The following MYOM1 variants were observed in gnomAD, a reference collection of about 807,000 sequenced individuals.
The protein encoded by MYOM1 is myomesin-1.
A neutral mutation model predicts 205.3 loss-of-function variants in MYOM1; 164 were observed. The ratio of observed to expected loss-of-function variants is 0.80; its 90% CI spans 0.70 to 0.91. The LOEUF (loss-of-function observed/expected upper bound fraction) is 0.91. MYOM1 is among the 40% of genes least tolerant of loss of function. MYOM1 has a pLI of 0.00. For synonymous variants in MYOM1, 772 were observed against 789.4 expected (o/e 0.98, Z 0.37); for missense variants, 2,011 against 2,127.3 (o/e 0.95, Z 1.08).
chr18:3,182,146 C>T (rs1377738483), intron 5 of MYOM1, among the ~76,000 whole-genome samples: 1 of 152,156 alleles, frequency 6.6e-6, no homozygotes, highest in Admixed American at 6.6e-5. Context: ...GACAGGTACA[C>T]ACTGATACCA....
At chr18:3,146,449 A>T (rs2080124172) in intron 13 of MYOM1, among the ~76,000 whole-genome samples, 1 of 152,130 alleles carries the variant, frequency 6.6e-6, no homozygotes, top group Non-Finnish European at 1.5e-5. Context: ...TGCGTTATTT[A>T]TTTTATTTCG....
At chr18:3,157,635 C>A (rs1410219529) in intron 10 of MYOM1, among the ~76,000 whole-genome samples, 1 of 151,060 alleles carries the variant, frequency 6.6e-6, no homozygotes, top group African/African-American at 2.4e-5. Context: ...TATGATTGCA[C>A]CACTACACTC....
At chr18:3,148,719 G>T (rs942746374) in intron 13 of MYOM1, among the ~76,000 whole-genome samples, 2 of 150,950 alleles carry the variant, frequency 1.3e-5, no homozygotes, top group African/African-American at 2.4e-5. Flanking sequence ...AGTGGCGGGC[G>T]CCTGTAGTCC....
intron 21 of MYOM1, among the ~76,000 whole-genome samples, chr18:3,112,682 C>T (rs991569428): frequency 6.6e-6 from 1 of 152,178 alleles, no homozygotes; most frequent in Non-Finnish European, 1.5e-5. Context: ...AATTTAGTGG[C>T]CACCAACATC....
intron 10 of MYOM1, among the ~76,000 whole-genome samples, chr18:3,160,262 A>T (rs1406625001): frequency 6.6e-6 from 1 of 151,040 alleles, no homozygotes; most frequent in East Asian, 1.9e-4. Flanking sequence ...ATCACCAGTC[A>T]TTGCAGCCTC....
intron 2 of MYOM1, among the ~76,000 whole-genome samples, chr18:3,207,131 AGTTAGT>A (rs1480330995): frequency 6.6e-6 from 1 of 152,110 alleles, no homozygotes; most frequent in Admixed American, 6.5e-5. Flanking sequence ...AACTTTACAC[AGTTAGT>A]GTATAGCCAT....
At position 3,135,634 on chromosome 18, in the gene MYOM1, A is replaced by T; in HGVS notation, c.2122T>A (p.Tyr708Asn). 6.2e-7 allele frequency: 1 copy of T among 1,613,952 alleles called. No homozygotes were observed. Among genetic ancestry groups the T allele is most frequent in the Non-Finnish European group, 8.5e-7 (1 of 1,179,882 alleles). Reference sequence around the variant, plus strand: ...TTAGAACAGCGGACACGGAAACAGTAGGATTTCCCCTCGGCCAAGTCAAAC... The same window carrying T: ...TTAGAACAGCGGACACGGAAACAGTTGGATTTCCCCTCGGCCAAGTCAAAC... Reference protein sequence around the residue: ...ALFDLAEGKSYCFRVRCSNSA... With the variant: ...ALFDLAEGKSNCFRVRCSNSA... The change falls in exon 15 of 38, where the codon TAC becomes AAC. Residue 708 changes from tyrosine (Y) to asparagine (N), a missense_variant. Tyr to Asn is a moderately radical substitution (Grantham distance 143). Coordinates refer to ENST00000356443, the MANE Select transcript of MYOM1 (RefSeq NM_003803.4). The surrounding 1 kb of genome is among the most constrained non-coding windows in gnomAD (Gnocchi z 4.1).
At chr18:3,133,293 A>G (rs7506643) in intron 16 of MYOM1, among the ~76,000 whole-genome samples, 82,903 of 151,960 alleles carry the variant, frequency 0.55, 23,202 homozygotes, top group East Asian at 0.91. Flanking sequence ...GGGTCCTCGG[A>G]CTGAGAAGTG....
chr18:3,229,418 G>T, the MYOM1 span, among the ~76,000 whole-genome samples: 6 of 150,990 alleles, frequency 4.0e-5, no homozygotes, highest in Non-Finnish European at 8.8e-5. Flanking sequence ...GTCTCTTTCA[G>T]TTCGAAAAGG....
At chr18:3,222,723 ACATACACACACAAACAGG>A (rs2081337067), upstream of MYOM1, among the ~76,000 whole-genome samples, 1 of 150,954 alleles carries the variant, frequency 6.6e-6, no homozygotes, top group South Asian at 2.1e-4. Flanking sequence ...GCACATACAC[ACATACACACACAAACAGG>A]CATACACACA....
intron 20 of MYOM1, among the ~76,000 whole-genome samples, chr18:3,118,464 C>A (rs1419824932): frequency 6.6e-6 from 1 of 152,028 alleles, no homozygotes; most frequent in African/African-American, 2.4e-5. Flanking sequence ...TCCTGAGTAG[C>A]TGGGACTACA....
Position 3,126,806 on chromosome 18 carries a change from C to A in MYOM1, c.2886G>T (p.Gly962=). Residue 962 remains glycine, a synonymous_variant, in exon 19 of 38, where the codon GGG becomes GGT. Transcript: ENST00000356443. ...TCACATAATAGCCAGTAATTTCTGC[C>A]CCTCCAATCTTATCTGGTTGCTTCC... ...LGWKQPDKIG[G]AEITGYYVNY... is the part of the protein sequence containing the mutation. 6.2e-7 allele frequency: 1 copy of A among 1,613,836 alleles called. No individual in the cohort carries two copies. Among genetic ancestry groups the A allele is most frequent in the Middle Eastern group, 1.6e-4 (1 of 6,062 alleles).
chr18:3,136,189 C>T (rs1178602462), intron 14 of MYOM1, among the ~76,000 whole-genome samples: 1 of 152,108 alleles, frequency 6.6e-6, no homozygotes, highest in Non-Finnish European at 1.5e-5. Context: ...GCCTCCCCAG[C>T]CACATGGAAC....
chr18:3,081,681 C>T (rs1196335861), intron 33 of MYOM1, among the ~76,000 whole-genome samples: 2 of 152,132 alleles, frequency 1.3e-5, no homozygotes, highest in Admixed American at 6.5e-5. Context: ...GAGGAATTTC[C>T]TGGAATTTGA....
rs2079953632 is a variant in MYOM1, at chr18:3,135,971, G to A, written c.2026-241C>T. Among the ~76,000 whole-genome samples, 1 of 152,266 alleles carries A rather than the reference G, an allele frequency of 6.6e-6. No individual in the cohort carries two copies. The highest frequency in any genetic ancestry group is 2.4e-5 in the African/African-American group (1 of 41,548). Reference sequence around the variant, plus strand: ...TGCCCAAATCTCATCTACAATTGTAGCTCCCATAATTCCCATGTGTGTGGG... The same window carrying A: ...TGCCCAAATCTCATCTACAATTGTAACTCCCATAATTCCCATGTGTGTGGG... On this transcript the variant is annotated intron_variant, in intron 14 of 37. Coordinates refer to ENST00000356443, the MANE Select transcript of MYOM1 (RefSeq NM_003803.4). This position sits in a 1 kb window ranked among gnomAD's most constrained non-coding sequence, Gnocchi z 4.1.
Position 3,174,012 on chromosome 18 carries a change from A to C in MYOM1, c.1112-12T>G. On this transcript the variant is annotated splice_polypyrimidine_tract_variant and intron_variant, in intron 7 of 37. Coordinates refer to ENST00000356443, the MANE Select transcript of MYOM1 (RefSeq NM_003803.4). ...CTCTCCCTTATACCCTAGAGAAGAA[A>C]ACAGAAACGCATGTGAACTGCTTTG... The C allele has an allele frequency of 6.2e-7, 1 of 1,612,542 alleles. No individual in the cohort carries two copies. Among genetic ancestry groups the C allele is most frequent in the African/African-American group, 1.3e-5 (1 of 74,940 alleles).
intron 19 of MYOM1, among the ~76,000 whole-genome samples, chr18:3,123,011 G>A (rs2079719878): frequency 6.6e-6 from 1 of 152,086 alleles, no homozygotes; most frequent in Non-Finnish European, 1.5e-5. Context: ...AAGAAAATCT[G>A]AGACGGTGTC....
intron 10 of MYOM1, among the ~76,000 whole-genome samples, chr18:3,162,634 AAC>A (rs1181803617): frequency 6.6e-6 from 1 of 152,198 alleles, no homozygotes; most frequent in Non-Finnish European, 1.5e-5. Context: ...AAAAACACAG[AAC>A]ACTACCCTGG....
chr18:3,238,164 G>A, the MYOM1 span, among the ~76,000 whole-genome samples: 1 of 152,204 alleles, frequency 6.6e-6, no homozygotes, highest in Non-Finnish European at 1.5e-5. Context: ...TCTCAGGGGT[G>A]ATGGGAGACA....
Sources: gnomAD v4.1 joint callset for allele counts (sites outside exome capture counted in the v4.1 genomes callset) on GRCh38, gnomAD v4.1.1 for gene constraint, Gnocchi (gnomAD v3.1) non-coding constraint, MANE v1.5 for transcripts, NCBI Gene and HGNC (gene_info 2026-07-23, HGNC 2026-07-21) for gene names.